Variants in FOXP2 observed in about 807,000 individuals in gnomAD.
The protein encoded by FOXP2 is forkhead box P2, also known as forkhead box protein P2.
In FOXP2, 12 loss-of-function variants were observed where a neutral mutation model predicts 115.8. The observed-to-expected ratio is 0.10, with a 90% CI of 0.07 to 0.17. FOXP2 has a LOEUF of 0.17. FOXP2 is among the 10% of genes least tolerant of loss of function. The pLI, the probability that FOXP2 is intolerant of heterozygous loss-of-function variation, is 1.00. For synonymous variants in FOXP2, 328 were observed against 297.7 expected, an observed-to-expected ratio of 1.10 and a Z score of -1.05; for missense variants, 629 against 843.5, an observed-to-expected ratio of 0.75 and a Z score of 3.15.
intron 3 of FOXP2, among the ~76,000 whole-genome samples, chr7:114,606,787 T>A (rs1360842159): frequency 1.3e-5 from 2 of 152,190 alleles, no homozygotes; most frequent in African/African-American, 4.8e-5. Context: ...TTTTCTGTAT[T>A]ATATTAACAA....
chr7:114,161,462 A>G (rs1792828629), upstream of FOXP2, among the ~76,000 whole-genome samples: 1 of 151,576 alleles, frequency 6.6e-6, no homozygotes, highest in Non-Finnish European at 1.5e-5. Flanking sequence ...TTGCCCACAT[A>G]TATTTTACTT....
chr7:114,205,055 A>G (rs989221008), intron 1 of FOXP2, among the ~76,000 whole-genome samples: 3 of 152,194 alleles, frequency 2.0e-5, no homozygotes, highest in Non-Finnish European at 2.9e-5. Context: ...GTGAGTTATG[A>G]AGATCAAAAT....
At position 114,548,882 on chromosome 7, in the gene FOXP2, G is replaced by GA. The variant is rs564573461; in HGVS notation, c.258+14182dup. Reference sequence around the variant, plus strand: ...AAGCAAATGTTTTTTGAAGGGTGGGGAAAAAATCATAGAAGATGAATTTTA... The same window carrying GA: ...AAGCAAATGTTTTTTGAAGGGTGGGGAAAAAAATCATAGAAGATGAATTTTA... On this transcript the variant is annotated intron_variant, in intron 3 of 16. Transcript: ENST00000350908. 6.4e-4 allele frequency among the ~76,000 whole-genome samples: 98 copies of GA among 152,142 alleles called. 1 individual carries two copies. The South Asian group carries it at 7.5e-3, about 12-fold the overall frequency.
intron 1 of FOXP2, among the ~76,000 whole-genome samples, chr7:114,117,170 G>A (rs966224233): frequency 2.0e-5 from 3 of 151,044 alleles, no homozygotes; most frequent in South Asian, 2.1e-4. Context: ...TTATAGAATT[G>A]TAATGATGAA....
At chr7:114,516,678 CTTTGTTTTTTGTTT>C (rs556022606) in intron 2 of FOXP2, among the ~76,000 whole-genome samples, 7 of 150,636 alleles carry the variant, frequency 4.6e-5, no homozygotes, top group Non-Finnish European at 7.4e-5. Context: ...TTTTTTTGTT[CTTTGTTTTTTGTTT>C]TTTGTTTTTT....
intron 3 of FOXP2, among the ~76,000 whole-genome samples, chr7:114,606,426 A>T (rs1301450666): frequency 6.6e-6 from 1 of 152,228 alleles, no homozygotes; most frequent in Non-Finnish European, 1.5e-5. Flanking sequence ...CTCAAAACCT[A>T]CAAAAACTCT....
At chr7:114,143,219 TGTGTCCCACA>T (rs1441163399) in intron 1 of FOXP2, among the ~76,000 whole-genome samples, 3 of 151,340 alleles carry the variant, frequency 2.0e-5, no homozygotes, top group Non-Finnish European at 4.4e-5. Context: ...AGAAATCAGC[TGTGTCCCACA>T]GTATCTCCGA....
intron 1 of FOXP2, among the ~76,000 whole-genome samples, chr7:114,268,146 G>A (rs997352311): frequency 6.6e-6 from 1 of 152,126 alleles, no homozygotes; most frequent in Non-Finnish European, 1.5e-5. Context: ...GTATATGTCA[G>A]AATTTCTTTT....
chr7:114,662,648 A>G (rs1284853208), intron 14 of FOXP2, among the ~76,000 whole-genome samples: 1 of 152,022 alleles, frequency 6.6e-6, no homozygotes, highest in Non-Finnish European at 1.5e-5. Context: ...AAATACTCTC[A>G]TTTTCCAAGA....
At chr7:114,129,059 A>T (rs765291626) in intron 1 of FOXP2, among the ~76,000 whole-genome samples, 7 of 152,114 alleles carry the variant, frequency 4.6e-5, no homozygotes, top group Non-Finnish European at 8.8e-5. Flanking sequence ...GTGATACTAC[A>T]TCCTCCTCTC....
At chr7:114,315,210 T>C (rs182383612) in intron 2 of FOXP2, among the ~76,000 whole-genome samples, 1 of 152,308 alleles carries the variant, frequency 6.6e-6, no homozygotes, top group Admixed American at 6.5e-5. Context: ...TAATAGGCAA[T>C]GGAAGGAAAC....
At chr7:114,574,744 C>T (rs1001391627) in intron 3 of FOXP2, among the ~76,000 whole-genome samples, 4 of 151,788 alleles carry the variant, frequency 2.6e-5, no homozygotes, top group Non-Finnish European at 5.9e-5. Flanking sequence ...GTTCTAACTG[C>T]GAAGGCAATT....
At chr7:114,241,997 T>G (rs1244369928) in intron 1 of FOXP2, among the ~76,000 whole-genome samples, 1 of 149,240 alleles carries the variant, frequency 6.7e-6, no homozygotes, top group Non-Finnish European at 1.5e-5. Flanking sequence ...CCTTTGGACT[T>G]CTGTTTGCCT....
intron 2 of FOXP2, among the ~76,000 whole-genome samples, chr7:114,341,668 G>A (rs1246959314): frequency 6.6e-6 from 1 of 151,102 alleles, no homozygotes; most frequent in African/African-American, 2.4e-5. Flanking sequence ...TTCTTTCACT[G>A]GAGAACTTCT....
intron 2 of FOXP2, among the ~76,000 whole-genome samples, chr7:114,433,818 T>A (rs1158839751): frequency 6.6e-6 from 1 of 152,000 alleles, no homozygotes; most frequent in Non-Finnish European, 1.5e-5. Flanking sequence ...ATTTAAGTGA[T>A]GATTCCTAGT....
intron 3 of FOXP2, among the ~76,000 whole-genome samples, chr7:114,587,059 C>CTTTT (rs199926586): frequency 2.2e-4 from 31 of 140,714 alleles, no homozygotes; most frequent in African/African-American, 7.7e-4. Context: ...TGTGCTATTT[C>CTTTT]TTTTTTTTTT....
intron 2 of FOXP2, among the ~76,000 whole-genome samples, chr7:114,301,049 AATGTAAATGATTGAT>A (rs1363814009): frequency 6.6e-6 from 1 of 152,044 alleles, no homozygotes; most frequent in Non-Finnish European, 1.5e-5. Context: ...AAATCAATAT[AATGTAAATGATTGAT>A]ATGCTGAAAT....
intron 1 of FOXP2, among the ~76,000 whole-genome samples, chr7:114,197,011 G>GT (rs1263376258): frequency 1.3e-5 from 2 of 152,004 alleles, no homozygotes; most frequent in Admixed American, 1.3e-4. Flanking sequence ...TGGCAACATA[G>GT]TTAGACCCCA....
chr7:114,140,204 T>C (rs1792167430), intron 1 of FOXP2, among the ~76,000 whole-genome samples: 1 of 152,192 alleles, frequency 6.6e-6, no homozygotes, highest in African/African-American at 2.4e-5. Flanking sequence ...CTAGAAATAG[T>C]ATAAAGTTAG....
Sources: allele counts gnomAD v4.1 joint callset (sites outside exome capture counted in the v4.1 genomes callset), GRCh38; gene constraint gnomAD v4.1.1; transcripts MANE v1.5; gene names NCBI Gene and HGNC (gene_info 2026-07-23, HGNC 2026-07-21).